The following ADGRV1 variants were observed in gnomAD, a reference collection of about 807,000 sequenced individuals.
The protein encoded by ADGRV1 is G-protein coupled receptor 98.
In ADGRV1, 359 loss-of-function variants were observed where a neutral mutation model predicts 596.2. The ratio of observed to expected loss-of-function variants is 0.60; its 90% CI spans 0.55 to 0.66. ADGRV1 has a LOEUF of 0.66. Ranked by LOEUF, ADGRV1 falls within the 30% of genes least tolerant of loss-of-function variation. ADGRV1 has a pLI of 0.00. For missense variants in ADGRV1, 7,274 were observed against 7,575.6 expected (o/e 0.96, Z 1.48); for synonymous variants, 2,681 against 2,679.2 (o/e 1.00, Z -0.02).
chr5:90,783,757 T>C, intron 66 of ADGRV1, 81 bp from the exon 67 acceptor site: 1 of 1,078,876 alleles, frequency 9.3e-7, no homozygotes, highest in Admixed American at 2.4e-5. Flanking sequence ...TATGACCAAT[T>C]TGGAAAATGA....
In ADGRV1 at chr5:90,752,046, G is replaced by GT. The variant is rs540956984; in HGVS notation, c.11121+1350dup. Among the ~76,000 whole-genome samples the GT allele has an allele frequency of 6.0e-3, 920 of 152,150 alleles. 6 individuals are homozygous for GT. The highest frequency in any genetic ancestry group is 0.021 in the African/African-American group (887 of 41,526). On this transcript the variant is annotated intron_variant, in intron 53 of 89. Coordinates refer to ENST00000405460, the MANE Select transcript of ADGRV1 (RefSeq NM_032119.4). ...CAGGGAGCTAGTATATCTTTTTTCT[G>GT]TAAAGGGCCAGATAGTAAATATTTT...
At chr5:90,607,492 A>G (rs905194518) in intron 1 of ADGRV1, among the ~76,000 whole-genome samples, 19 of 152,152 alleles carry the variant, frequency 1.2e-4, no homozygotes, top group Non-Finnish European at 2.4e-4. Flanking sequence ...ATCCCTAAAT[A>G]AAACAGGGGA....
At chr5:90,575,209 T>C (rs1389900638) in intron 1 of ADGRV1, among the ~76,000 whole-genome samples, 7 of 152,200 alleles carry the variant, frequency 4.6e-5, no homozygotes, top group African/African-American at 7.2e-5. Flanking sequence ...TTCTAACTTT[T>C]TTTTTACTTT....
At chr5:90,797,809 A>T (rs973546657) in intron 70 of ADGRV1, among the ~76,000 whole-genome samples, 22 of 152,346 alleles carry the variant, frequency 1.4e-4, no homozygotes, top group Admixed American at 1.3e-3. Flanking sequence ...AGAACTCAGG[A>T]TTGGGAAACT....
intron 85 of ADGRV1, among the ~76,000 whole-genome samples, chr5:91,052,653 C>T (rs1461282867): frequency 2.0e-5 from 3 of 151,990 alleles, no homozygotes; most frequent in Admixed American, 6.6e-5. Flanking sequence ...AGGCTGGTCT[C>T]GAATTCCTGA....
At position 90,834,877 on chromosome 5, in the gene ADGRV1, TTCTTTCTTTTTTCTTTCTTTC is replaced by T. The variant is rs1764831311; in HGVS notation, c.16612-5689_16612-5669del. On this transcript the variant is annotated intron_variant, in intron 77 of 89. Transcript: ENST00000405460. Reference sequence around the variant, plus strand: ...CTCTGCCTATTTTCTTTCTTTCTCTTTCTTTCTTTTTTCTTTCTTTCTCTTTCTTTTTCTTTCTCTTTCCTT... The same window carrying T: ...CTCTGCCTATTTTCTTTCTTTCTCTTTCTTTCTTTTTCTTTCTCTTTCCTT... Among the ~76,000 whole-genome samples the T allele has an allele frequency of 2.6e-5, 4 of 151,898 alleles. 1 individual carries two copies. The South Asian group carries it at 8.3e-4, about 32-fold the overall frequency.
rs183103557 is a variant in ADGRV1, at chr5:90,863,359, G to T, written c.17756-398G>T. 1.8e-4 allele frequency among the ~76,000 whole-genome samples: 28 copies of T among 152,302 alleles called. 1 individual carries two copies. The East Asian group carries it at 5.4e-3, about 29-fold the overall frequency. On this transcript the variant is annotated intron_variant, in intron 82 of 89. Transcript: ENST00000405460. ...GTAGAAGTTTAAGTTAAAAGTCATT[G>T]TGGAGAAAATAGCACACTTTCTTCC...
At chr5:91,161,512 T>TG (rs1796947773) in intron 89 of ADGRV1, among the ~76,000 whole-genome samples, 1 of 150,224 alleles carries the variant, frequency 6.7e-6, no homozygotes, top group South Asian at 2.1e-4. Context: ...TTGTTAGTTT[T>TG]TTTTTTTTTT....
At chr5:90,667,314 T>C (rs1226146442) in intron 21 of ADGRV1, among the ~76,000 whole-genome samples, 38 of 140,628 alleles carry the variant, frequency 2.7e-4, no homozygotes, top group Non-Finnish European at 1.8e-4. Flanking sequence ...TCATTTCTTT[T>C]TATTCTTTTT....
intron 84 of ADGRV1, among the ~76,000 whole-genome samples, chr5:90,975,539 A>T (rs897755064): frequency 6.6e-6 from 1 of 152,214 alleles, no homozygotes; most frequent in East Asian, 1.9e-4. Flanking sequence ...GGATGCGTTC[A>T]TGTCCTTTTT....
At chr5:90,594,281 G>A (rs187402172) in intron 1 of ADGRV1, among the ~76,000 whole-genome samples, 2 of 152,162 alleles carry the variant, frequency 1.3e-5, no homozygotes, top group Admixed American at 6.5e-5. Flanking sequence ...CCTCCATGCT[G>A]TTCTCATGAT....
At chr5:91,130,993 C>G (rs1250500847) in intron 87 of ADGRV1, among the ~76,000 whole-genome samples, 1 of 152,210 alleles carries the variant, frequency 6.6e-6, no homozygotes, top group African/African-American at 2.4e-5. Flanking sequence ...TATATATGTA[C>G]CACATTTTTC....
chr5:90,871,838 G>C (rs1768714200), intron 83 of ADGRV1, among the ~76,000 whole-genome samples: 1 of 152,036 alleles, frequency 6.6e-6, no homozygotes, highest in Non-Finnish European at 1.5e-5. Flanking sequence ...AGACTGATGG[G>C]GTAACATCTG....
At position 90,810,517 on chromosome 5, in the gene ADGRV1, T is replaced by C. The variant is rs1762339507; in HGVS notation, c.15257T>C (p.Ile5086Thr). The C allele has an allele frequency of 1.2e-6, 2 of 1,613,880 alleles. No individual in the cohort carries two copies. Among genetic ancestry groups the C allele is most frequent in the Non-Finnish European group, 1.7e-6 (2 of 1,179,790 alleles). ...ITIINDQLSE[I>T]EEFFYINLTS... is the part of the protein sequence containing the mutation. ...ATTATTAATGATCAGCTTTCTGAGATAGAAGAATTTTTTTACATTAACCTT... is the reference window on the plus strand; with the variant it reads ...ATTATTAATGATCAGCTTTCTGAGACAGAAGAATTTTTTTACATTAACCTT... Residue 5086 changes from isoleucine (I) to threonine (T), a missense_variant, in exon 74 of 90, where the codon ATA becomes ACA. Transcript: ENST00000405460.
intron 73 of ADGRV1, among the ~76,000 whole-genome samples, chr5:90,809,057 C>T (rs1228937502): frequency 6.6e-6 from 1 of 151,668 alleles, no homozygotes; most frequent in African/African-American, 2.4e-5. Flanking sequence ...CGCCATTCTC[C>T]TGCCTCAGCC....
At chr5:90,954,442 C>T (rs772863263) in intron 83 of ADGRV1, among the ~76,000 whole-genome samples, 2 of 151,764 alleles carry the variant, frequency 1.3e-5, no homozygotes, top group Non-Finnish European at 2.9e-5. Context: ...ACTATCAAAC[C>T]AAGATAGAAC....
rs541366824 is a variant in ADGRV1 at position 90,708,451 on chromosome 5, A to G, written c.8731-365A>G. Among the ~76,000 whole-genome samples the G allele has an allele frequency of 6.0e-5, 9 of 149,888 alleles. No individual in the cohort carries two copies. In the East Asian group the frequency reaches 1.8e-3, roughly 29 times the overall value. Reference sequence around the variant, plus strand: ...AACTGCAGAGCCTTTTTTTTTTTCCATGGTGTTCTATTCCTCCTTCTACAC... The same window carrying G: ...AACTGCAGAGCCTTTTTTTTTTTCCGTGGTGTTCTATTCCTCCTTCTACAC... On this transcript the variant is annotated intron_variant, in intron 38 of 89. Coordinates refer to ENST00000405460, the MANE Select transcript of ADGRV1 (RefSeq NM_032119.4).
At chr5:90,655,317 C>T (rs1017119469) in intron 20 of ADGRV1, 1 of 152,100 alleles carries the variant, frequency 6.6e-6, no homozygotes, top group South Asian at 2.1e-4. Flanking sequence ...GAGTGTCCAG[C>T]TTCTTTTGCT....
chr5:90,974,707 G>C (rs1386113859), intron 84 of ADGRV1, among the ~76,000 whole-genome samples: 1 of 152,120 alleles, frequency 6.6e-6, no homozygotes, highest in Non-Finnish European at 1.5e-5. Context: ...ATTCAAGATG[G>C]ATTAAAGACT....
Sources: gnomAD v4.1 joint callset for allele counts (sites outside exome capture counted in the v4.1 genomes callset) on GRCh38, gnomAD v4.1.1 for gene constraint, MANE v1.5 for transcripts, NCBI Gene and HGNC (gene_info 2026-07-23, HGNC 2026-07-21) for gene names.